BCAT1: variants seen among roughly 807,000 people sequenced by gnomAD.
The protein encoded by BCAT1 is branched-chain-amino-acid aminotransferase, cytosolic.
Under a neutral mutation model 52.4 loss-of-function variants are expected in BCAT1, and 48 were observed. The observed-to-expected ratio is 0.92, with a 90% CI of 0.73 to 1.16. The LOEUF (loss-of-function observed/expected upper bound fraction) is 1.16. BCAT1 is among the 50% of genes most tolerant of loss of function. BCAT1 has a pLI of 0.00. For synonymous variants in BCAT1, 167 were observed against 161.3 expected, an observed-to-expected ratio of 1.04 and a Z score of -0.27; for missense variants, 451 against 457.1, an observed-to-expected ratio of 0.99 and a Z score of 0.12.
rs112458468 is a variant in BCAT1 at position 24,936,712 on chromosome 12, A to ATCTC, written c.6+12211_6+12214dup. 6.2e-4 allele frequency among the ~76,000 whole-genome samples: 70 copies of ATCTC among 112,056 alleles called. 1 individual carries two copies. Among genetic ancestry groups the ATCTC allele is most frequent in the African/African-American group, 1.6e-3 (56 of 35,372 alleles). The allele number at this position is 112,056 out of a possible 152,430, so 73.5% of individuals were successfully genotyped here. On this transcript the variant is annotated intron_variant, in intron 1 of 10. Coordinates refer to ENST00000261192, the MANE Select transcript of BCAT1 (RefSeq NM_005504.7). ...AAGTAATGGAGCTCTTTAAATCTCA[A>ATCTC]TCTCTCTCTCTCACACACACACACA...
intron 5 of BCAT1, among the ~76,000 whole-genome samples, chr12:24,872,509 A>G (rs1591826739): frequency 6.6e-6 from 1 of 152,260 alleles, no homozygotes; most frequent in Non-Finnish European, 1.5e-5. Context: ...GTGTGCATCC[A>G]ATGCTGGTAT....
chr12:24,939,384 C>G (rs897932492), intron 1 of BCAT1, among the ~76,000 whole-genome samples: 1 of 152,140 alleles, frequency 6.6e-6, no homozygotes. Context: ...AGTTTAGACA[C>G]TCTTCATATA....
intron 3 of BCAT1, among the ~76,000 whole-genome samples, chr12:24,891,615 T>C (rs1234858949): frequency 6.6e-6 from 1 of 152,196 alleles, no homozygotes; most frequent in African/African-American, 2.4e-5. Context: ...AGACTAATAA[T>C]AAAAGATTTT....
rs752213657 is a variant in BCAT1 at position 24,849,798 on chromosome 12, C to T, written c.662G>A (p.Cys221Tyr). The change falls in exon 6 of 11, where the codon TGC becomes TAC. Residue 221 changes from cysteine (C) to tyrosine (Y), a missense_variant. By Grantham distance (194) the Cys-to-Tyr change is radical (BLOSUM62 -2). Transcript: ENST00000261192. ...CAGATTTACTTACCCTCCCATCTTG[C>T]AGTCCCCAGTTCCACCTTTCCAGGC... ...VRAWKGGTGD[C>Y]KMGGNYGSSL... 1.2e-6 allele frequency: 2 copies of T among 1,608,146 alleles called. No individual in the cohort carries two copies. Among genetic ancestry groups the T allele is most frequent in the South Asian group, 1.1e-5 (1 of 90,366 alleles).
At chr12:24,867,073 A>C (rs1365708732) in intron 5 of BCAT1, among the ~76,000 whole-genome samples, 1 of 152,094 alleles carries the variant, frequency 6.6e-6, no homozygotes, top group East Asian at 1.9e-4. Context: ...CAAGGAACGA[A>C]CAACTCCAGA....
intron 1 of BCAT1, among the ~76,000 whole-genome samples, chr12:24,941,820 C>T (rs566936412): frequency 5.3e-5 from 8 of 152,330 alleles, no homozygotes; most frequent in African/African-American, 1.9e-4. Context: ...GATCACTGTT[C>T]TCACAAGGTG....
chr12:24,873,315 T>C (rs928648048), intron 5 of BCAT1, among the ~76,000 whole-genome samples: 1 of 152,248 alleles, frequency 6.6e-6, no homozygotes, highest in African/African-American at 2.4e-5. Flanking sequence ...GTTTCTCTTT[T>C]AGATTTAACA....
Position 24,810,391 on chromosome 12 carries a change from A to G in BCAT1, c.*7617T>C, listed in dbSNP as rs1206584584. 1 of 152,234 alleles carries G rather than the reference A, an allele frequency of 6.6e-6. No individual in the cohort carries two copies. The highest frequency in any genetic ancestry group is 2.4e-5 in the African/African-American group (1 of 41,458). 9.4% of individuals were successfully genotyped at this position (152,234 alleles called of 1,614,324 possible). The stretch of plus-strand genomic sequence containing the variant: ...AAATCACACTGAATCAGCTTAGCAG[A>G]AAAATAATTATAAAATTTGAAATAT... On this transcript the variant is annotated 3_prime_UTR_variant, in exon 11 of 11. Transcript: ENST00000261192.
chr12:24,869,442 T>A (rs917692140), intron 5 of BCAT1, among the ~76,000 whole-genome samples: 1 of 152,236 alleles, frequency 6.6e-6, no homozygotes, highest in Admixed American at 6.5e-5. Context: ...TTTCCCTTTT[T>A]TCCCAATAAG....
intron 5 of BCAT1, among the ~76,000 whole-genome samples, chr12:24,863,566 A>G (rs1941913988): frequency 6.6e-6 from 1 of 152,226 alleles, no homozygotes; most frequent in South Asian, 2.1e-4. Context: ...AGAATGAATT[A>G]TTTAAAAAGT....
chr12:24,897,265 T>C (rs765643916), intron 2 of BCAT1, among the ~76,000 whole-genome samples: 12 of 152,190 alleles, frequency 7.9e-5, no homozygotes, highest in Admixed American at 2.0e-4. Context: ...CTCCTTAAAA[T>C]ACCCATAGGA....
At chr12:24,943,037 C>T (rs1478412410) in intron 1 of BCAT1, among the ~76,000 whole-genome samples, 3 of 152,164 alleles carry the variant, frequency 2.0e-5, no homozygotes, top group Non-Finnish European at 4.4e-5. Context: ...AGCCAATAGC[C>T]CTCCACTGCT....
intron 10 of BCAT1, among the ~76,000 whole-genome samples, chr12:24,825,402 T>C (rs2139344384): frequency 6.6e-6 from 1 of 152,190 alleles, no homozygotes; most frequent in Non-Finnish European, 1.5e-5. Context: ...CTATTTATAT[T>C]TCAACCAACA....
chr12:24,892,807 C>T (rs1256460826), intron 3 of BCAT1, among the ~76,000 whole-genome samples: 1 of 152,140 alleles, frequency 6.6e-6, no homozygotes, highest in Non-Finnish European at 1.5e-5. Context: ...GAGCCACGAT[C>T]GTGCCACTGC....
intron 1 of BCAT1, among the ~76,000 whole-genome samples, chr12:24,921,883 G>A (rs2139723075): frequency 6.6e-6 from 1 of 152,190 alleles, no homozygotes; most frequent in African/African-American, 2.4e-5. Flanking sequence ...TAAATTGCCA[G>A]GTGCACATCA....
intron 10 of BCAT1, among the ~76,000 whole-genome samples, chr12:24,823,920 T>G (rs1940260073): frequency 6.6e-6 from 1 of 152,192 alleles, no homozygotes; most frequent in Non-Finnish European, 1.5e-5. Context: ...TAATCTTACT[T>G]TTAAAAATGC....
chr12:24,946,621 G>A (rs1301269884), intron 1 of BCAT1, among the ~76,000 whole-genome samples: 4 of 152,128 alleles, frequency 2.6e-5, no homozygotes, highest in African/African-American at 7.2e-5. Context: ...TTACTCCTGC[G>A]CATGCGTACG....
chr12:24,949,260 C>G (rs1943986250), upstream of BCAT1: 1 of 451,134 alleles, frequency 2.2e-6, no homozygotes. Context: ...ACTGCTCACT[C>G]CCGGGGTGCA....
At position 24,811,274 on chromosome 12, in the gene BCAT1, G is replaced by A. The variant is rs760378434; in HGVS notation, c.*6734C>T. ...ATACTATCCTACATTTACTTCCCTT[G>A]ACCAGAAACCTTGAGACATCATAAA... On this transcript the variant is annotated 3_prime_UTR_variant, in exon 11 of 11. Coordinates refer to ENST00000261192, the MANE Select transcript of BCAT1 (RefSeq NM_005504.7). The A allele has an allele frequency of 1.2e-4, 19 of 152,046 alleles. No individual in the cohort carries two copies. Among genetic ancestry groups the A allele is most frequent in the Non-Finnish European group, 2.5e-4 (17 of 68,006 alleles). The allele number at this position is 152,046 out of a possible 1,614,324, so 9.4% of individuals were successfully genotyped here. A position where few individuals can be genotyped will look rare whatever the true frequency, so the allele number is the denominator to read the frequency against.
Sources: allele counts gnomAD v4.1 joint callset (sites outside exome capture counted in the v4.1 genomes callset), GRCh38; gene constraint gnomAD v4.1.1; transcripts MANE v1.5; gene names NCBI Gene and HGNC (gene_info 2026-07-23, HGNC 2026-07-21).